Variants in ALCAM observed in about 807,000 individuals in gnomAD.
ALCAM encodes CD166 antigen.
Under a neutral mutation model 70.9 loss-of-function variants are expected in ALCAM, and 30 were observed. The ratio of observed to expected loss-of-function variants is 0.42; its 90% CI spans 0.32 to 0.57. The LOEUF is 0.57. Ranked by LOEUF, ALCAM falls within the 20% of genes least tolerant of loss-of-function variation. ALCAM has a pLI of 0.11. For synonymous variants in ALCAM, 249 were observed against 242.5 expected, an observed-to-expected ratio of 1.03 and a Z score of -0.25; for missense variants, 591 against 695.1, an observed-to-expected ratio of 0.85 and a Z score of 1.68.
chr3:105,532,142 CAAGT>C (rs939877090), intron 4 of ALCAM, 76 bp downstream of exon 4: 2 of 1,252,016 alleles, frequency 1.6e-6, no homozygotes, highest in African/African-American at 3.0e-5. Context: ...CATTCCAAGA[CAAGT>C]AAGAAAGGCT....
At chr3:105,447,408 A>T (rs919061769) in intron 1 of ALCAM, among the ~76,000 whole-genome samples, 1 of 152,192 alleles carries the variant, frequency 6.6e-6, no homozygotes, top group Admixed American at 6.6e-5. Context: ...TCCTGTTAAG[A>T]GGAAGCTAAG....
rs910234668 is a variant in ALCAM at position 105,520,095 on chromosome 3, A to T, written c.102A>T (p.Ala34=). ...TTGGATGGTATACTGTAAATTCAGC[A>T]TATGGAGATACCATTATCATACCTT... ...PGLGWYTVNS[A]YGDTIIIPCR... is the part of the protein sequence containing the mutation. The change falls in exon 2 of 16, where the codon GCA becomes GCT. Residue 34 remains alanine (A), a synonymous_variant. Coordinates refer to ENST00000306107, the MANE Select transcript of ALCAM (RefSeq NM_001627.4). 1 of 1,612,442 alleles carries T rather than the reference A, an allele frequency of 6.2e-7. No individual in the cohort carries two copies. The highest frequency in any genetic ancestry group is 1.3e-5 in the African/African-American group (1 of 74,766).
intron 1 of ALCAM, among the ~76,000 whole-genome samples, chr3:105,475,759 C>A (rs1188997990): frequency 6.6e-6 from 1 of 151,868 alleles, no homozygotes; most frequent in African/African-American, 2.4e-5. Flanking sequence ...ATAGCTTCTC[C>A]CAGTTTCTCA....
intron 1 of ALCAM, among the ~76,000 whole-genome samples, chr3:105,370,742 G>A (rs1293290449): frequency 2.0e-5 from 3 of 150,992 alleles, no homozygotes; most frequent in African/African-American, 4.9e-5. Flanking sequence ...AAAAAAAAGC[G>A]TGAAGGAGAG....
chr3:105,471,731 T>C, intron 1 of ALCAM, among the ~76,000 whole-genome samples: 1 of 151,342 alleles, frequency 6.6e-6, no homozygotes, highest in Non-Finnish European at 1.5e-5. Context: ...TATATATGCA[T>C]TGTGAAATGG....
chr3:105,409,298 T>G (rs1028310101), intron 1 of ALCAM, among the ~76,000 whole-genome samples: 6 of 151,254 alleles, frequency 4.0e-5, no homozygotes, highest in African/African-American at 1.5e-4. Flanking sequence ...CCAGTTCAAA[T>G]GTCCATCAGT....
intron 1 of ALCAM, among the ~76,000 whole-genome samples, chr3:105,516,731 T>C (rs977094389): frequency 1.3e-5 from 2 of 152,132 alleles, no homozygotes; most frequent in Non-Finnish European, 2.9e-5. Flanking sequence ...TCTAGTCCAA[T>C]TTAAAGTTTC....
At chr3:105,443,901 G>A (rs988158135) in intron 1 of ALCAM, among the ~76,000 whole-genome samples, 1 of 147,318 alleles carries the variant, frequency 6.8e-6, no homozygotes, top group Non-Finnish European at 1.5e-5. Flanking sequence ...CTGTCACAAT[G>A]CCAAAAAAAC....
intron 1 of ALCAM, among the ~76,000 whole-genome samples, chr3:105,434,133 C>T (rs1289378031): frequency 6.6e-6 from 1 of 152,086 alleles, no homozygotes; most frequent in Non-Finnish European, 1.5e-5. Flanking sequence ...GTCTATTCTC[C>T]ATATGAAGTG....
At position 105,576,100 on chromosome 3, in the gene ALCAM, C is replaced by A. The variant is rs183671482; in HGVS notation, c.*1649C>A. 1.1e-3 allele frequency: 174 copies of A among 152,184 alleles called. No individual in the cohort carries two copies. Among genetic ancestry groups the A allele is most frequent in the African/African-American group, 4.0e-3 (164 of 41,410 alleles). 9.4% of individuals were successfully genotyped at this position (152,184 alleles called of 1,614,324 possible). On this transcript the variant is annotated 3_prime_UTR_variant, in exon 16 of 16. Coordinates refer to ENST00000306107, the MANE Select transcript of ALCAM (RefSeq NM_001627.4). ...TAAATGCATAAAATATTCTTAGACT[C>A]GATGCTGTATAAAATATTATGGGAA...
chr3:105,372,697 C>T (rs183691396), intron 1 of ALCAM, among the ~76,000 whole-genome samples: 41 of 152,218 alleles, frequency 2.7e-4, no homozygotes, highest in Admixed American at 1.4e-3. Context: ...TGAAACTAAA[C>T]TGCTGGGGAA....
chr3:105,486,115 T>C (rs1938422233), intron 1 of ALCAM, among the ~76,000 whole-genome samples: 1 of 152,100 alleles, frequency 6.6e-6, no homozygotes, highest in Admixed American at 6.6e-5. Flanking sequence ...ACCTTGAACC[T>C]TTTTAAATTT....
intron 1 of ALCAM, among the ~76,000 whole-genome samples, chr3:105,371,936 A>T (rs528713631): frequency 8.5e-4 from 130 of 152,294 alleles, no homozygotes; most frequent in African/African-American, 2.9e-3. Context: ...GGCTAATCTC[A>T]TTTCTTACAC....
At chr3:105,509,759 G>T (rs867735650) in intron 1 of ALCAM, among the ~76,000 whole-genome samples, 3 of 151,880 alleles carry the variant, frequency 2.0e-5, no homozygotes, top group Non-Finnish European at 4.4e-5. Context: ...TAATTTTGTT[G>T]CCTGTGCTTT....
chr3:105,526,217 A>T (rs1482466363), intron 3 of ALCAM, among the ~76,000 whole-genome samples: 1 of 152,180 alleles, frequency 6.6e-6, no homozygotes, highest in Non-Finnish European at 1.5e-5. Flanking sequence ...GGTAATATAC[A>T]AGGGAGTTGA....
chr3:105,543,360 T>A (rs567886114), intron 8 of ALCAM, among the ~76,000 whole-genome samples: 137 of 151,846 alleles, frequency 9.0e-4, no homozygotes, highest in African/African-American at 3.0e-3. Flanking sequence ...ACAGGTAGAC[T>A]CTAACACTGG....
chr3:105,473,432 T>A (rs1212103856), intron 1 of ALCAM, among the ~76,000 whole-genome samples: 1 of 151,688 alleles, frequency 6.6e-6, no homozygotes, highest in Non-Finnish European at 1.5e-5. Flanking sequence ...CATGGTCTTT[T>A]ATTATAGTTA....
At chr3:105,375,860 A>G (rs1935362354) in intron 1 of ALCAM, among the ~76,000 whole-genome samples, 1 of 152,186 alleles carries the variant, frequency 6.6e-6, no homozygotes, top group Non-Finnish European at 1.5e-5. Flanking sequence ...CACCAACAGT[A>G]TGGCTAGGAT....
intron 1 of ALCAM, among the ~76,000 whole-genome samples, chr3:105,372,187 T>C (rs558065732): frequency 2.2e-4 from 34 of 152,228 alleles, no homozygotes; most frequent in Non-Finnish European, 4.4e-4. Context: ...AAAATAGATA[T>C]TCTATATTCA....
Sources: gnomAD v4.1 joint callset for allele counts (sites outside exome capture counted in the v4.1 genomes callset) on GRCh38, gnomAD v4.1.1 for gene constraint, MANE v1.5 for transcripts, NCBI Gene and HGNC (gene_info 2026-07-23, HGNC 2026-07-21) for gene names.